Variants in C13orf46 observed in about 807,000 individuals in gnomAD.
C13orf46 encodes the protein chromosome 13 open reading frame 46.
the C13orf46 span, among the ~76,000 whole-genome samples, chr13:113,937,781 C>T: frequency 6.6e-6 from 1 of 152,150 alleles, no homozygotes; most frequent in Admixed American, 6.5e-5. Flanking sequence ...GGTTGCACTC[C>T]TGAGTTTCTG....
At chr13:113,938,345 G>A in the C13orf46 span, among the ~76,000 whole-genome samples, 1 of 152,214 alleles carries the variant, frequency 6.6e-6, no homozygotes, top group South Asian at 2.1e-4. Flanking sequence ...AGTGTGAAAA[G>A]GGCCTCAGGG....
downstream of C13orf46, among the ~76,000 whole-genome samples, chr13:113,951,254 G>A (rs1320359633): frequency 5.3e-5 from 8 of 152,188 alleles, no homozygotes; most frequent in Non-Finnish European, 1.2e-4. Flanking sequence ...TGGTTTCCAG[G>A]ACGGAAACAG....
chr13:113,943,179 TTC>T, the C13orf46 span, among the ~76,000 whole-genome samples: 6 of 149,944 alleles, frequency 4.0e-5, no homozygotes, highest in Non-Finnish European at 9.0e-5. Context: ...GGGAGATTCA[TTC>T]TGAGCCCAAG....
the C13orf46 span, among the ~76,000 whole-genome samples, chr13:113,942,255 G>C: frequency 6.6e-6 from 1 of 152,242 alleles, no homozygotes; most frequent in African/African-American, 2.4e-5. Flanking sequence ...CAGCCCGGGA[G>C]GAGGGACCCA....
At chr13:113,933,190 G>C in the C13orf46 span, among the ~76,000 whole-genome samples, 3 of 152,204 alleles carry the variant, frequency 2.0e-5, no homozygotes, top group African/African-American at 7.2e-5. Flanking sequence ...TATGTGGTGT[G>C]AGGTAAGGGT....
At chr13:113,927,517 T>A in the C13orf46 span, 4 of 398,748 alleles carry the variant, frequency 1.0e-5, no homozygotes, top group Admixed American at 8.8e-5. Context: ...ACATCGATGC[T>A]TGGAAGGTAG....
chr13:113,930,529 A>G, the C13orf46 span, among the ~76,000 whole-genome samples: 1 of 152,152 alleles, frequency 6.6e-6, no homozygotes, highest in African/African-American at 2.4e-5. Flanking sequence ...CCTCCAAATC[A>G]GGCTGCTCCA....
chr13:113,948,565 A>G, the C13orf46 span, among the ~76,000 whole-genome samples: 2 of 152,160 alleles, frequency 1.3e-5, no homozygotes, highest in East Asian at 3.8e-4. Context: ...CTTCCTTTTA[A>G]CCAGATGTCT....
At chr13:113,960,466 G>A (rs1471148612) in intron 6 of C13orf46, among the ~76,000 whole-genome samples, 4 of 152,254 alleles carry the variant, frequency 2.6e-5, no homozygotes, top group African/African-American at 9.6e-5. Flanking sequence ...GTCACGTGTG[G>A]TTTGCAGGTC....
chr13:113,935,073 C>T, the C13orf46 span, among the ~76,000 whole-genome samples: 1 of 152,258 alleles, frequency 6.6e-6, no homozygotes. Context: ...GCAAGTTCTC[C>T]ATTTTGCTTC....
the C13orf46 span, among the ~76,000 whole-genome samples, chr13:113,930,299 C>T: frequency 1.3e-5 from 2 of 152,182 alleles, no homozygotes; most frequent in African/African-American, 2.4e-5. Flanking sequence ...AAGGCACAGT[C>T]CATCGGGTGA....
rs2052532939 is a variant in C13orf46 at position 113,956,286 on chromosome 13, TCTGGTGGAGACGAGG to T, written c.*472_*486del. 1 of 149,710 alleles carries T rather than the reference TCTGGTGGAGACGAGG, an allele frequency of 6.7e-6. No homozygotes were observed. The highest frequency in any genetic ancestry group is 1.4e-5 in the Non-Finnish European group (1 of 69,016). 9.3% of individuals were successfully genotyped at this position (149,710 alleles called of 1,614,324 possible). On this transcript the variant is annotated 3_prime_UTR_variant, in exon 7 of 7. Transcript: ENST00000636427. ...GAACATCCGGTGGAGAGGAGGAGCA[TCTGGTGGAGACGAGG>T]AGCATCTGGTGGAGAGGAGGAGTAG...
chr13:113,970,442 C>G (rs1379621680), intron 1 of C13orf46: 1 of 152,434 alleles, frequency 6.6e-6, no homozygotes, highest in African/African-American at 2.4e-5. Context: ...CCTGGCTCAG[C>G]CCCAGCAGCT....
At chr13:113,971,976 G>T (rs2052710921) in intron 1 of C13orf46, among the ~76,000 whole-genome samples, 1 of 152,180 alleles carries the variant, frequency 6.6e-6, no homozygotes, top group East Asian at 1.9e-4. Flanking sequence ...GTGCCTGGGG[G>T]AGGCTGTGCA....
At chr13:113,957,702 C>T (rs2052550589) in intron 6 of C13orf46, among the ~76,000 whole-genome samples, 1 of 142,382 alleles carries the variant, frequency 7.0e-6, no homozygotes, top group African/African-American at 2.7e-5. Flanking sequence ...CATGTACCCC[C>T]TTTCATCAAG....
chr13:113,957,093 G>C (rs1163382787), intron 6 of C13orf46, among the ~76,000 whole-genome samples: 1 of 150,526 alleles, frequency 6.6e-6, no homozygotes, highest in Non-Finnish European at 1.5e-5. Context: ...ACACTGGGGG[G>C]GTCTCCCCTG....
Position 113,955,080 on chromosome 13 carries a change from C to T in C13orf46, c.*1693G>A, listed in dbSNP as rs1432485819. 4.1e-5 allele frequency: 7 copies of T among 169,516 alleles called. No homozygotes were observed. Among genetic ancestry groups the T allele is most frequent in the Admixed American group, 8.5e-5 (1 of 11,772 alleles). 10.5% of individuals were successfully genotyped at this position (169,516 alleles called of 1,614,324 possible). ...GCATCCGGCGGGGATGAGGAGCATCCAGTGGGGATGAGGAGCAGCTGGTGG... is the reference window on the plus strand; with the variant it reads ...GCATCCGGCGGGGATGAGGAGCATCTAGTGGGGATGAGGAGCAGCTGGTGG... On this transcript the variant is annotated 3_prime_UTR_variant, in exon 7 of 7. Coordinates refer to ENST00000636427, the MANE Select transcript of C13orf46 (RefSeq NM_001365455.2).
the C13orf46 span, among the ~76,000 whole-genome samples, chr13:113,937,365 G>A: frequency 3.5e-4 from 53 of 152,300 alleles, no homozygotes; most frequent in East Asian, 1.2e-3. Context: ...CAAGCTTGCC[G>A]AGAAGGCAGC....
chr13:113,963,880 C>A (rs1003536634), intron 6 of C13orf46, among the ~76,000 whole-genome samples: 18 of 152,292 alleles, frequency 1.2e-4, no homozygotes, highest in African/African-American at 4.1e-4. Context: ...GATGGAGTTT[C>A]GCTCTTGTCA....
Sources: allele counts gnomAD v4.1 joint callset (sites outside exome capture counted in the v4.1 genomes callset), GRCh38; gene constraint gnomAD v4.1.1; transcripts MANE v1.5; gene names NCBI Gene and HGNC (gene_info 2026-07-23, HGNC 2026-07-21).